The following SCARB2 variants were observed in gnomAD, a reference collection of about 807,000 sequenced individuals.
SCARB2 encodes the protein lysosome membrane protein 2.
SCARB2 carries 29 observed loss-of-function variants against 58.6 expected under a neutral mutation model. The ratio of observed to expected loss-of-function variants is 0.49; its 90% CI spans 0.37 to 0.67. The LOEUF (loss-of-function observed/expected upper bound fraction) is 0.67. SCARB2 is among the 30% of genes least tolerant of loss of function. SCARB2 has a pLI of 0.00. For missense variants in SCARB2, 488 were observed against 578.5 expected (o/e 0.84, Z 1.60); for synonymous variants, 195 against 210.1 (o/e 0.93, Z 0.62).
intron 2 of SCARB2, chr4:76,193,555 T>A (rs1477526212): frequency 6.6e-6 from 1 of 152,248 alleles, no homozygotes; most frequent in African/African-American, 2.4e-5. Context: ...GTGCTCTGGA[T>A]GTGAGACACG....
chr4:76,183,790 C>T (rs959736879), intron 2 of SCARB2, among the ~76,000 whole-genome samples: 28 of 152,340 alleles, frequency 1.8e-4, no homozygotes, highest in African/African-American at 6.7e-4. Context: ...GGACCAGCTC[C>T]CATCCAGGAG....
intron 4 of SCARB2, chr4:76,176,933 A>G (rs1315597363): frequency 6.2e-6 from 1 of 161,770 alleles, no homozygotes; most frequent in East Asian, 1.8e-4. Context: ...CCATAATCAC[A>G]TAAGCCAATT....
chr4:76,170,378 T>G (rs1056479106), intron 7 of SCARB2, among the ~76,000 whole-genome samples: 1 of 152,148 alleles, frequency 6.6e-6, no homozygotes, highest in Admixed American at 6.5e-5. Context: ...GTTACAAAAT[T>G]TACCCAGGGA....
chr4:76,177,782 A>G (rs985534805), intron 4 of SCARB2, among the ~76,000 whole-genome samples: 3 of 152,224 alleles, frequency 2.0e-5, no homozygotes, highest in African/African-American at 7.2e-5. Context: ...ACAGAAGGGC[A>G]TATATTATAT....
chr4:76,193,493 G>T (rs932650063), intron 2 of SCARB2: 1 of 152,414 alleles, frequency 6.6e-6, no homozygotes, highest in African/African-American at 2.4e-5. Context: ...GCATAAAAAA[G>T]CTACTGAGGC....
chr4:76,230,529 G>A (rs1488609625), intron 1 of SCARB2, among the ~76,000 whole-genome samples: 3 of 152,168 alleles, frequency 2.0e-5, no homozygotes, highest in Non-Finnish European at 4.4e-5. Flanking sequence ...GCTTCTTTCT[G>A]CAGCAGTTCC....
chr4:76,163,588 T>C, intron 10 of SCARB2: 1 of 611,370 alleles, frequency 1.6e-6, no homozygotes. Flanking sequence ...ACATTTTTTT[T>C]ACTCTTAAAA....
upstream of SCARB2, among the ~76,000 whole-genome samples, chr4:76,216,609 T>C (rs1733212145): frequency 6.6e-6 from 1 of 152,196 alleles, no homozygotes; most frequent in South Asian, 2.1e-4. Context: ...GATAAATGTA[T>C]CTTAGTGTGG....
intron 4 of SCARB2, among the ~76,000 whole-genome samples, chr4:76,177,400 A>G (rs1203166098): frequency 6.6e-6 from 1 of 152,152 alleles, no homozygotes; most frequent in African/African-American, 2.4e-5. Flanking sequence ...TGGAACCTTT[A>G]TACATTGCTA....
rs1732255312 is a variant in SCARB2 at position 76,176,544 on chromosome 4, T to G, written c.613-16A>C. 3 of 1,519,990 alleles carry G rather than the reference T, an allele frequency of 2.0e-6. No homozygotes were observed. Among genetic ancestry groups the G allele is most frequent in the African/African-American group, 1.4e-5 (1 of 73,058 alleles). 94.2% of individuals were successfully genotyped at this position (1,519,990 alleles called of 1,614,324 possible). A position where few individuals can be genotyped will look rare whatever the true frequency, so the allele number is the denominator to read the frequency against. ...TCCCATTTTTCTGAAAATATGTGAATATGATCATTTAAAGTAACTGTGATA... is the reference window on the plus strand; with the variant it reads ...TCCCATTTTTCTGAAAATATGTGAAGATGATCATTTAAAGTAACTGTGATA... On this transcript the variant is annotated splice_polypyrimidine_tract_variant and intron_variant, in intron 4 of 11. Coordinates refer to ENST00000264896, the MANE Select transcript of SCARB2 (RefSeq NM_005506.4).
chr4:76,228,708 T>C (rs1396356911), intron 1 of SCARB2, among the ~76,000 whole-genome samples: 1 of 151,286 alleles, frequency 6.6e-6, no homozygotes, highest in Non-Finnish European at 1.5e-5. Context: ...GAGATTCTGT[T>C]GAGAAACCTG....
intron 8 of SCARB2, among the ~76,000 whole-genome samples, chr4:76,169,101 A>G (rs554180665): frequency 9.0e-4 from 137 of 152,344 alleles, no homozygotes; most frequent in Non-Finnish European, 1.7e-3. Flanking sequence ...AAAACCACAC[A>G]CGATTTTATT....
At chr4:76,195,600 G>A in intron 2 of SCARB2, 107 bp downstream of exon 2, 3 of 916,358 alleles carry the variant, frequency 3.3e-6, no homozygotes, top group Non-Finnish European at 3.6e-6. Flanking sequence ...ATCAGAAAGT[G>A]TGCTCCCACA....
intron 11 of SCARB2, chr4:76,162,949 G>C: frequency 1.7e-6 from 1 of 596,764 alleles, no homozygotes; most frequent in Non-Finnish European, 3.0e-6. Context: ...TCAGGTTATT[G>C]TTTTCAAAGA....
intron 1 of SCARB2, 84 bp downstream of exon 1, chr4:76,213,343 T>C: frequency 1.1e-6 from 1 of 946,162 alleles, no homozygotes; most frequent in African/African-American, 1.6e-5. Flanking sequence ...TGAGTGCTGG[T>C]CTTTCCCATA....
chr4:76,213,254 C>G, intron 1 of SCARB2, 173 bp downstream of exon 1: 1 of 672,912 alleles, frequency 1.5e-6, no homozygotes, highest in Non-Finnish European at 2.7e-6. Flanking sequence ...CTCCATCCTT[C>G]CTCATCCTTC....
At chr4:76,218,580 T>G (rs1217198334), upstream of SCARB2, among the ~76,000 whole-genome samples, 1 of 152,198 alleles carries the variant, frequency 6.6e-6, no homozygotes, top group Non-Finnish European at 1.5e-5. Flanking sequence ...TTCCAGTTTG[T>G]TTTGGTTTGG....
At chr4:76,214,071 C>T, upstream of SCARB2, 1 of 348,754 alleles carries the variant, frequency 2.9e-6, no homozygotes, top group Non-Finnish European at 5.7e-6. Context: ...AGCGCTCGCC[C>T]CACCGAAATT....
At chr4:76,195,454 C>G in intron 2 of SCARB2, 1 of 509,140 alleles carries the variant, frequency 2.0e-6, no homozygotes, top group East Asian at 3.5e-5. Flanking sequence ...GTTTAATAAT[C>G]ACAGTCTGCC....
Sources: allele counts gnomAD v4.1 joint callset (sites outside exome capture counted in the v4.1 genomes callset), GRCh38; gene constraint gnomAD v4.1.1; transcripts MANE v1.5; gene names NCBI Gene and HGNC (gene_info 2026-07-23, HGNC 2026-07-21).